ABCC4: variants seen among roughly 807,000 people sequenced by gnomAD.
The protein encoded by ABCC4 is ATP binding cassette subfamily C member 4 (PEL blood group).
A neutral mutation model predicts 168.5 loss-of-function variants in ABCC4; 102 were observed. The ratio of observed to expected loss-of-function variants is 0.61; its 90% CI spans 0.52 to 0.71. ABCC4 has a LOEUF of 0.71. Ranked by LOEUF, ABCC4 falls within the 30% of genes least tolerant of loss-of-function variation. ABCC4 has a pLI of 0.00. For missense variants in ABCC4, 1,402 were observed against 1,605.8 expected (o/e 0.87, Z 2.17); for synonymous variants, 617 against 590.7 (o/e 1.04, Z -0.65).
chr13:95,171,376 C>T (rs72643633), intron 13 of ABCC4, among the ~76,000 whole-genome samples: 1,623 of 136,464 alleles, frequency 0.012, 12 homozygotes, highest in Middle Eastern at 0.051. Context: ...ACATTGTAAA[C>T]GTAGACTCCT....
At chr13:95,125,527 AAATAAATG>A (rs747419531) in intron 19 of ABCC4, among the ~76,000 whole-genome samples, 49 of 119,896 alleles carry the variant, frequency 4.1e-4, no homozygotes, top group South Asian at 1.5e-3. Flanking sequence ...TGTAACAAGT[AAATAAATG>A]AATGAATGAA....
rs1243307119 is a variant in ABCC4, at chr13:95,073,337, T to C, written c.2918-33A>G. The stretch of plus-strand genomic sequence containing the variant: ...AGGAGGAAGAAGGGAATAAAGTCAG[T>C]CTCACTTCAAACCTAAGCCTGGCTC... On this transcript the variant is annotated intron_variant, in intron 23 of 30. Transcript: ENST00000645237. The C allele has an allele frequency of 2.6e-6, 4 of 1,562,824 alleles. No homozygotes were observed. In the South Asian group the frequency reaches 4.5e-5, roughly 18 times the overall value.
At chr13:95,105,886 G>C (rs76783990) in intron 20 of ABCC4, among the ~76,000 whole-genome samples, 5 of 152,182 alleles carry the variant, frequency 3.3e-5, no homozygotes, top group African/African-American at 1.2e-4. Context: ...AAAGAGCAGG[G>C]AGAACTCTGA....
At chr13:95,108,130 T>C (rs1240095215) in intron 20 of ABCC4, among the ~76,000 whole-genome samples, 1 of 152,070 alleles carries the variant, frequency 6.6e-6, no homozygotes, top group African/African-American at 2.4e-5. Context: ...TCAAAATGTC[T>C]AAAAGAATTT....
chr13:95,232,920 T>C (rs2039663830), intron 4 of ABCC4, among the ~76,000 whole-genome samples: 1 of 152,184 alleles, frequency 6.6e-6, no homozygotes, highest in Admixed American at 6.5e-5. Context: ...TCAGGTCTTA[T>C]CATTATTACT....
intron 8 of ABCC4, among the ~76,000 whole-genome samples, chr13:95,203,336 C>CTTT (rs35053264): frequency 3.2e-5 from 4 of 126,744 alleles, no homozygotes; most frequent in Admixed American, 1.6e-4. Context: ...TCAGGAGGCT[C>CTTT]TTTTTTTTTT....
chr13:95,206,387 TAC>T (rs2038780231), intron 8 of ABCC4, 143 bp downstream of exon 8: 2 of 1,069,658 alleles, frequency 1.9e-6, no homozygotes, highest in Admixed American at 4.8e-5. Context: ...GATAGGGAAG[TAC>T]ACACAACATT....
chr13:95,117,591 C>T (rs576336245), intron 19 of ABCC4, among the ~76,000 whole-genome samples: 4 of 152,116 alleles, frequency 2.6e-5, no homozygotes, highest in Non-Finnish European at 4.4e-5. Flanking sequence ...TTTTGTTTGT[C>T]GTCCTTCTTG....
chr13:95,038,554 C>T (rs2032224129), intron 29 of ABCC4, among the ~76,000 whole-genome samples: 1 of 151,882 alleles, frequency 6.6e-6, no homozygotes, highest in Admixed American at 6.6e-5. Flanking sequence ...CAGACTTAGA[C>T]ACGTAGAAAT....
intron 13 of ABCC4, among the ~76,000 whole-genome samples, chr13:95,174,979 C>T (rs943727761): frequency 6.6e-6 from 1 of 152,200 alleles, no homozygotes; most frequent in African/African-American, 2.4e-5. Context: ...AATTGTATAG[C>T]TTGGTCGCGC....
chr13:95,248,933 G>A (rs141701830), intron 1 of ABCC4, among the ~76,000 whole-genome samples: 46 of 152,244 alleles, frequency 3.0e-4, no homozygotes, highest in African/African-American at 1.1e-3. Flanking sequence ...CCAGCTACTC[G>A]GGAAGCTGCG....
intron 14 of ABCC4, 36 bp downstream of exon 14, chr13:95,170,496 A>T: frequency 7.7e-7 from 1 of 1,290,372 alleles, no homozygotes; most frequent in Non-Finnish European, 1.1e-6. Context: ...ACACCCAAGT[A>T]CTTGCAAGTT....
chr13:95,214,056 A>T (rs2039041414), intron 4 of ABCC4, among the ~76,000 whole-genome samples: 2 of 152,222 alleles, frequency 1.3e-5, no homozygotes, highest in Admixed American at 1.3e-4. Flanking sequence ...TATGGTTATA[A>T]CAAGTAGATG....
At chr13:95,287,777 T>TCA in intron 1 of ABCC4, among the ~76,000 whole-genome samples, 1 of 151,806 alleles carries the variant, frequency 6.6e-6, no homozygotes, top group African/African-American at 2.4e-5. Flanking sequence ...ATGAGGTGGC[T>TCA]CACACCTGTA....
intron 21 of ABCC4, among the ~76,000 whole-genome samples, chr13:95,082,854 G>C (rs2034141778): frequency 6.6e-6 from 1 of 152,118 alleles, no homozygotes; most frequent in Non-Finnish European, 1.5e-5. Flanking sequence ...TCATAAACAA[G>C]ACACGGAGAG....
At chr13:95,228,833 G>A (rs552895098) in intron 4 of ABCC4, among the ~76,000 whole-genome samples, 1 of 151,772 alleles carries the variant, frequency 6.6e-6, no homozygotes, top group Admixed American at 6.6e-5. Flanking sequence ...GCCAAGGCAG[G>A]AGGATCCCTT....
At chr13:95,197,257 T>C (rs1350344182) in intron 8 of ABCC4, among the ~76,000 whole-genome samples, 1 of 152,196 alleles carries the variant, frequency 6.6e-6, no homozygotes, top group African/African-American at 2.4e-5. Context: ...GCTATGTCAG[T>C]TAGCACAGCA....
intron 8 of ABCC4, among the ~76,000 whole-genome samples, chr13:95,205,891 T>C (rs2139672372): frequency 6.6e-6 from 1 of 152,306 alleles, no homozygotes; most frequent in Middle Eastern, 3.4e-3. Flanking sequence ...GTGGTCCTTG[T>C]TACAGTCGTA....
At chr13:95,260,197 C>G (rs1409857933) in intron 1 of ABCC4, among the ~76,000 whole-genome samples, 1 of 152,190 alleles carries the variant, frequency 6.6e-6, no homozygotes, top group Non-Finnish European at 1.5e-5. Flanking sequence ...ACTTGTCTGA[C>G]ATATACGCCA....
Sources: gnomAD v4.1 joint callset for allele counts (sites outside exome capture counted in the v4.1 genomes callset) on GRCh38, gnomAD v4.1.1 for gene constraint, MANE v1.5 for transcripts, NCBI Gene and HGNC (gene_info 2026-07-23, HGNC 2026-07-21) for gene names.